Variants in TAFA2 observed in about 807,000 individuals in gnomAD.
The protein encoded by TAFA2 is TAFA chemokine like family member 2.
Under a neutral mutation model 18.8 loss-of-function variants are expected in TAFA2, and 7 were observed. The ratio of observed to expected loss-of-function variants is 0.37; its 90% CI spans 0.21 to 0.70. TAFA2 has a LOEUF of 0.70. TAFA2 is among the 30% of genes least tolerant of loss of function. The pLI is 0.53. For synonymous variants in TAFA2, 60 were observed against 54.2 expected (o/e 1.11, Z -0.47); for missense variants, 122 against 158.1 (o/e 0.77, Z 1.23).
intron 1 of TAFA2, among the ~76,000 whole-genome samples, chr12:61,985,391 G>A (rs1398541562): frequency 2.6e-5 from 4 of 152,206 alleles, no homozygotes; most frequent in African/African-American, 7.2e-5. Flanking sequence ...CATTTGAGGG[G>A]AGGAAGACAA....
rs1216744520 is a variant in TAFA2 at position 62,177,988 on chromosome 12, T to C, written c.-2+13271A>G. On this transcript the variant is annotated intron_variant, in intron 1 of 4. Coordinates refer to ENST00000416284, the MANE Select transcript of TAFA2 (RefSeq NM_178539.5). ...TCTCACCAAAGCATCTTTCTAAATA[T>C]CAGAGGAGGGTAAGCCTCAAAGAGA... 5.9e-5 allele frequency among the ~76,000 whole-genome samples: 9 copies of C among 152,042 alleles called. No individual in the cohort carries two copies. The East Asian group carries it at 1.7e-3, about 29-fold the overall frequency.
chr12:61,882,764 A>T (rs938885067), intron 1 of TAFA2, among the ~76,000 whole-genome samples: 1 of 152,136 alleles, frequency 6.6e-6, no homozygotes, highest in Non-Finnish European at 1.5e-5. Flanking sequence ...TACATAACAC[A>T]GAAAGAATGC....
chr12:62,204,381 C>T (rs2062683595), intron 1 of TAFA2, among the ~76,000 whole-genome samples: 1 of 152,032 alleles, frequency 6.6e-6, no homozygotes, highest in Non-Finnish European at 1.5e-5. Context: ...TGAATGTTGG[C>T]CTGTCTTGCT....
chr12:61,781,886 GC>G (rs983489600), intron 2 of TAFA2, among the ~76,000 whole-genome samples: 5 of 151,752 alleles, frequency 3.3e-5, no homozygotes, highest in African/African-American at 1.2e-4. Flanking sequence ...AGGGATGGTT[GC>G]CGGGGGAAAA....
At chr12:62,075,084 G>A (rs1184862778) in intron 1 of TAFA2, among the ~76,000 whole-genome samples, 1 of 152,074 alleles carries the variant, frequency 6.6e-6, no homozygotes, top group East Asian at 1.9e-4. Context: ...ATTTTCAGAT[G>A]ACAACCATTG....
chr12:62,213,837 C>A (rs1396994478), intron 1 of TAFA2, among the ~76,000 whole-genome samples: 1 of 152,160 alleles, frequency 6.6e-6, no homozygotes, highest in East Asian at 1.9e-4. Context: ...GAATAAGATA[C>A]CTTTCAAGAT....
chr12:62,082,586 C>T (rs1287664798), intron 1 of TAFA2, among the ~76,000 whole-genome samples: 2 of 152,180 alleles, frequency 1.3e-5, no homozygotes, highest in Admixed American at 6.5e-5. Context: ...CACAGCCCTG[C>T]TTTCATGAAG....
intron 4 of TAFA2, among the ~76,000 whole-genome samples, chr12:61,725,856 A>G (rs1301397132): frequency 2.0e-5 from 3 of 152,098 alleles, no homozygotes; most frequent in Non-Finnish European, 4.4e-5. Flanking sequence ...CTTATCAGTG[A>G]AAGCTAAGCT....
chr12:61,865,645 T>C (rs1010199457), intron 2 of TAFA2, among the ~76,000 whole-genome samples: 1 of 152,224 alleles, frequency 6.6e-6, no homozygotes. Context: ...AGAGTTAGCA[T>C]AGAACATAAC....
chr12:61,846,150 AG>A (rs1565654310), intron 2 of TAFA2, among the ~76,000 whole-genome samples: 2 of 152,228 alleles, frequency 1.3e-5, no homozygotes, highest in African/African-American at 4.8e-5. Context: ...TTGAAAAAAT[AG>A]GGATTCTAGA....
chr12:62,065,042 T>C (rs1882449933), intron 1 of TAFA2, among the ~76,000 whole-genome samples: 1 of 152,054 alleles, frequency 6.6e-6, no homozygotes, highest in South Asian at 2.1e-4. Context: ...AATATTACTT[T>C]AGATAGCTGT....
intron 2 of TAFA2, among the ~76,000 whole-genome samples, chr12:61,835,284 TATAG>T (rs1172728020): frequency 6.6e-6 from 1 of 152,070 alleles, no homozygotes; most frequent in East Asian, 1.9e-4. Flanking sequence ...GGGATAATGC[TATAG>T]ATAATTTTTA....
intron 1 of TAFA2, among the ~76,000 whole-genome samples, chr12:61,977,455 T>C (rs1263737964): frequency 6.6e-6 from 1 of 152,098 alleles, no homozygotes; most frequent in Non-Finnish European, 1.5e-5. Flanking sequence ...ACTTTCCTAT[T>C]TGACCTTGTT....
intron 1 of TAFA2, among the ~76,000 whole-genome samples, chr12:62,117,721 T>A (rs79645200): frequency 0.017 from 2,657 of 152,152 alleles, 73 homozygotes; most frequent in African/African-American, 0.059. Context: ...TGGGAATGAG[T>A]TCTTAAAGCT....
At chr12:61,875,011 C>T (rs536016859) in intron 1 of TAFA2, among the ~76,000 whole-genome samples, 2 of 152,166 alleles carry the variant, frequency 1.3e-5, no homozygotes, top group Admixed American at 6.5e-5. Context: ...GTCCTTCTCT[C>T]AGAGCATGGG....
intron 1 of TAFA2, among the ~76,000 whole-genome samples, chr12:62,022,897 G>C (rs1881192427): frequency 6.6e-6 from 1 of 152,316 alleles, no homozygotes; most frequent in East Asian, 1.9e-4. Context: ...GGCTGAATGA[G>C]GGGAGCAACC....
intron 1 of TAFA2, among the ~76,000 whole-genome samples, chr12:62,123,123 C>T (rs1209543428): frequency 6.6e-6 from 1 of 151,968 alleles, no homozygotes; most frequent in Non-Finnish European, 1.5e-5. Context: ...TGTATTTTAC[C>T]AAATACGCTT....
At chr12:61,886,924 T>C (rs1269937886) in intron 1 of TAFA2, among the ~76,000 whole-genome samples, 2 of 152,310 alleles carry the variant, frequency 1.3e-5, no homozygotes, top group East Asian at 3.9e-4. Context: ...TTACCAACTT[T>C]GGGCCATTGG....
chr12:61,933,473 A>G (rs1422017467), intron 1 of TAFA2, among the ~76,000 whole-genome samples: 2 of 152,156 alleles, frequency 1.3e-5, no homozygotes, highest in Admixed American at 1.3e-4. Flanking sequence ...GCACTTTGGG[A>G]GGCAAAGGCA....
Sources: allele counts gnomAD v4.1 joint callset (sites outside exome capture counted in the v4.1 genomes callset), GRCh38; gene constraint gnomAD v4.1.1; transcripts MANE v1.5; gene names NCBI Gene and HGNC (gene_info 2026-07-23, HGNC 2026-07-21).